Variants in PXDN observed in about 807,000 individuals in gnomAD.
The protein encoded by PXDN is peroxidasin homolog.
In PXDN, 77 loss-of-function variants were observed where a neutral mutation model predicts 140.3. The ratio of observed to expected loss-of-function variants is 0.55; its 90% CI spans 0.46 to 0.66. The LOEUF (loss-of-function observed/expected upper bound fraction) is 0.66, where lower values mean the gene tolerates loss of function less well. Among genes scored for constraint, PXDN ranks in the 30% least tolerant of loss-of-function variants. The probability of loss-of-function intolerance (pLI) is 0.00; values close to 1 mark genes in which losing one functional copy is unlikely to be tolerated. For missense variants in PXDN, 1,838 were observed against 2,039.5 expected (o/e 0.90, Z 1.90); for synonymous variants, 911 against 857.4 (o/e 1.06, Z -1.09).
chr2:1,682,713 G>A (rs1683936042), intron 6 of PXDN, among the ~76,000 whole-genome samples: 5 of 152,180 alleles, frequency 3.3e-5, no homozygotes, highest in African/African-American at 1.2e-4. Context: ...CCCAAGAAGG[G>A]CGGATCACCT....
At chr2:1,739,362 A>G (rs1160142269) in intron 1 of PXDN, among the ~76,000 whole-genome samples, 16 of 152,162 alleles carry the variant, frequency 1.1e-4, no homozygotes, top group Admixed American at 1.0e-3. Context: ...AGAATATCAC[A>G]GCATGTCGAC....
At position 1,643,504 on chromosome 2, in the gene PXDN, C is replaced by G. The variant is rs751251946; in HGVS notation, c.3816G>C (p.Arg1272Ser). 2 of 1,613,962 alleles carry G rather than the reference C, an allele frequency of 1.2e-6. No individual in the cohort carries two copies. The highest frequency in any genetic ancestry group is 2.2e-5 in the South Asian group (2 of 91,074). ...TGTTGTCCGCGTTGTCGCATAGGAT[C>G]CTGGCCAGCGACGTCTGCTTGATCT... The part of the protein sequence containing the change: ...LTQIKQTSLA[R>S]ILCDNADNIT... The change falls in exon 19 of 23, where the codon AGG becomes AGC. Residue 1272 changes from arginine (R) to serine (S), a missense_variant. By Grantham distance (110) the Arg-to-Ser change is moderately radical (BLOSUM62 -1). This residue lies in a region of PXDN where 850 missense variants were observed against 894.1 expected (regional missense o/e 0.95). Transcript: ENST00000252804.
chr2:1,744,201 C>T (rs1359745072), intron 1 of PXDN, 55 bp downstream of exon 1: 47 of 1,420,230 alleles, frequency 3.3e-5, no homozygotes, highest in Non-Finnish European at 4.1e-5. Flanking sequence ...CCTGCGCTCC[C>T]GGATCTCCAC....
At chr2:1,675,394 G>A (rs759161968) in intron 8 of PXDN, among the ~76,000 whole-genome samples, 25 of 152,252 alleles carry the variant, frequency 1.6e-4, no homozygotes, top group Admixed American at 8.5e-4. Context: ...ATGGACTGGG[G>A]CCAAATTTAT....
chr2:1,643,365 C>T lies in PXDN; in HGVS notation c.3952+3G>A. ...GAACAGACATGGTGCCCCTGGCACG[C>T]ACCTTCACAGCAGTCCTGCCACACC... On this transcript the variant is annotated splice_donor_region_variant and intron_variant, in intron 19 of 22. Transcript: ENST00000252804. 1 of 1,612,432 alleles carries T rather than the reference C, an allele frequency of 6.2e-7. No individual in the cohort carries two copies. Among genetic ancestry groups the T allele is most frequent in the Non-Finnish European group, 8.5e-7 (1 of 1,178,866 alleles).
chr2:1,704,922 C>T (rs1684554452), intron 1 of PXDN, among the ~76,000 whole-genome samples: 1 of 152,056 alleles, frequency 6.6e-6, no homozygotes, highest in Non-Finnish European at 1.5e-5. Flanking sequence ...TGGGGAGCAA[C>T]CATTATCACA....
chr2:1,743,797 G>T (rs1685615903), intron 1 of PXDN, among the ~76,000 whole-genome samples: 1 of 144,996 alleles, frequency 6.9e-6, no homozygotes, highest in Non-Finnish European at 1.5e-5. Flanking sequence ...GACGGAGGGG[G>T]CTGCGCCGCG....
chr2:1,739,785 G>A (rs765519255), intron 1 of PXDN, among the ~76,000 whole-genome samples: 1 of 151,842 alleles, frequency 6.6e-6, no homozygotes, highest in Non-Finnish European at 1.5e-5. Context: ...AGGCTCCCAC[G>A]CTGAGAAAAT....
At chr2:1,637,357 A>G (rs959063005) in intron 21 of PXDN, among the ~76,000 whole-genome samples, 1 of 151,774 alleles carries the variant, frequency 6.6e-6, no homozygotes, top group South Asian at 2.1e-4. Flanking sequence ...GGGGATGTGC[A>G]CCTGGTCTCT....
intron 1 of PXDN, among the ~76,000 whole-genome samples, chr2:1,720,685 TTCTCTCTCTCTCTGCATCTCTTTCTCTC>T (rs1234405700): frequency 5.3e-5 from 2 of 37,976 alleles, no homozygotes; most frequent in African/African-American, 2.7e-4. Context: ...CTGCATCTCT[TTCTCTCTCTCTCTGCATCTCTTTCTCTC>T]TCTCTCTCTC....
At position 1,722,621 on chromosome 2, in the gene PXDN, G is replaced by A. The variant is rs1268563959; in HGVS notation, c.200+21635C>T. 2.6e-5 allele frequency among the ~76,000 whole-genome samples: 4 copies of A among 152,228 alleles called. No homozygotes were observed. The East Asian group carries it at 5.8e-4, about 22-fold the overall frequency. ...ACCTCCCCTCAAAAAATATAAGAAA[G>A]TTGTATTTTAAAATCAGTGCATTCT... On this transcript the variant is annotated intron_variant, in intron 1 of 22. Transcript: ENST00000252804.
chr2:1,647,141 AC>A (rs1276576223), intron 17 of PXDN, among the ~76,000 whole-genome samples: 2 of 151,286 alleles, frequency 1.3e-5, no homozygotes, highest in Non-Finnish European at 2.9e-5. Flanking sequence ...TGATCCACTC[AC>A]CTCAGCCTCC....
intron 1 of PXDN, among the ~76,000 whole-genome samples, chr2:1,736,342 G>T (rs934162239): frequency 6.6e-6 from 1 of 152,148 alleles, no homozygotes; most frequent in Non-Finnish European, 1.5e-5. Flanking sequence ...CCACTGTAGG[G>T]TTATCAACTG....
At chr2:1,707,239 G>C (rs923361804) in intron 1 of PXDN, among the ~76,000 whole-genome samples, 53 of 130,170 alleles carry the variant, frequency 4.1e-4, no homozygotes, top group African/African-American at 1.4e-3. Context: ...GCACGCTGCA[G>C]TGCTCACCAA....
In PXDN at chr2:1,743,909, G is replaced by A. The variant is rs1291893088; in HGVS notation, c.200+347C>T. 3.3e-5 allele frequency among the ~76,000 whole-genome samples: 5 copies of A among 150,012 alleles called. No homozygotes were observed. In the East Asian group the frequency reaches 8.0e-4, roughly 24 times the overall value. ...AGCGGGAGGCCGGCGGAGCATGAGA[G>A]GGGGCGGCGGGAGGCGAGCGGGGGG... On this transcript the variant is annotated intron_variant, in intron 1 of 22. Transcript: ENST00000252804.
rs1405790381 is a variant in PXDN, at chr2:1,639,944, C to T, written c.3953-522G>A. Among the ~76,000 whole-genome samples the T allele has an allele frequency of 1.3e-5, 2 of 152,262 alleles. No homozygotes were observed. The highest frequency in any genetic ancestry group is 4.8e-5 in the African/African-American group (2 of 41,472). On this transcript the variant is annotated intron_variant, in intron 19 of 22. Coordinates refer to ENST00000252804, the MANE Select transcript of PXDN (RefSeq NM_012293.3). This position sits in a 1 kb window ranked among gnomAD's most constrained non-coding sequence, Gnocchi z 5.0. ...CACCTCCCTGCCTAGGAGTGGCTTC[C>T]TTCTCAACCTGTGGTGGACTGAGAA...
chr2:1,655,303 C>T (rs1165094183), intron 14 of PXDN, among the ~76,000 whole-genome samples: 1 of 151,190 alleles, frequency 6.6e-6, no homozygotes, highest in African/African-American at 2.4e-5. Context: ...CCACACATAA[C>T]ACATCACACA....
At chr2:1,688,207 A>G (rs191844639) in intron 3 of PXDN, among the ~76,000 whole-genome samples, 319 of 152,344 alleles carry the variant, frequency 2.1e-3, no homozygotes, top group Middle Eastern at 0.014. Context: ...ATACTGGAAG[A>G]GCCACACAAT....
rs1322448369 is a variant in PXDN at position 1,648,599 on chromosome 2, T to A, written c.3181A>T (p.Ile1061Phe). Residue 1061 changes from isoleucine (I) to phenylalanine (F), a missense_variant, in exon 17 of 23, where the codon ATC (isoleucine) becomes TTC (phenylalanine). Ile to Phe is a conservative substitution (Grantham distance 21). This residue lies in a region of PXDN where 850 missense variants were observed against 894.1 expected (regional missense o/e 0.95). Transcript: ENST00000252804. This position sits in a 1 kb window ranked among gnomAD's most constrained non-coding sequence, Gnocchi z 8.9. ...HGYDPGINAG[I>F]FNAFATAAFR... Reference sequence around the variant, plus strand: ...GCCGCGGTGGCGAAGGCGTTGAAGATGCCAGCATTGATGCCGGGGTCGTAG... The same window carrying A: ...GCCGCGGTGGCGAAGGCGTTGAAGAAGCCAGCATTGATGCCGGGGTCGTAG... 1 of 1,610,458 alleles carries A rather than the reference T, an allele frequency of 6.2e-7. No homozygotes were observed. Among genetic ancestry groups the A allele is most frequent in the Non-Finnish European group, 8.5e-7 (1 of 1,178,954 alleles).
Sources: gnomAD v4.1 joint callset for allele counts (sites outside exome capture counted in the v4.1 genomes callset) on GRCh38, gnomAD v4.1.1 for gene constraint, gnomAD v4.1.1 regional missense constraint, Gnocchi (gnomAD v3.1) non-coding constraint, MANE v1.5 for transcripts, NCBI Gene and HGNC (gene_info 2026-07-23, HGNC 2026-07-21) for gene names.